The following TNRC6C variants were observed in gnomAD, a reference collection of about 807,000 sequenced individuals.
TNRC6C encodes the protein trinucleotide repeat containing adaptor 6C.
TNRC6C carries 20 observed loss-of-function variants against 153.7 expected under a neutral mutation model. The ratio of observed to expected loss-of-function variants is 0.13; its 90% CI spans 0.09 to 0.19. The LOEUF (loss-of-function observed/expected upper bound fraction) is 0.19. Among genes scored for constraint, TNRC6C ranks in the 10% least tolerant of loss-of-function variants. TNRC6C has a pLI of 1.00. For synonymous variants in TNRC6C, 811 were observed against 841.4 expected (o/e 0.96, Z 0.63); for missense variants, 1,987 against 2,172.0 (o/e 0.91, Z 1.69).
intron 10 of TNRC6C, among the ~76,000 whole-genome samples, chr17:78,082,507 G>T (rs2073199527): frequency 6.6e-6 from 1 of 152,146 alleles, no homozygotes; most frequent in Non-Finnish European, 1.5e-5. Context: ...GCAAAAGCTG[G>T]TTGCAAACAA....
exon 3 of TNRC6C, chr17:78,051,096 C>A: frequency 6.3e-7 from 1 of 1,595,688 alleles, no homozygotes; most frequent in South Asian, 1.1e-5. Context: ...ATGTGAGTAA[C>A]TGGGGAGGAG....
At chr17:78,081,461 A>G (rs2073178792) in intron 10 of TNRC6C, among the ~76,000 whole-genome samples, 2 of 152,220 alleles carry the variant, frequency 1.3e-5, no homozygotes, top group Admixed American at 6.5e-5. Flanking sequence ...ATTATCAGGC[A>G]ATAATAAAAG....
At chr17:78,007,211 C>CT (rs1409109485) in intron 1 of TNRC6C, among the ~76,000 whole-genome samples, 2 of 152,194 alleles carry the variant, frequency 1.3e-5, no homozygotes, top group African/African-American at 4.8e-5. Context: ...TCTATATCCT[C>CT]TAAAATACTG....
intron 2 of TNRC6C, among the ~76,000 whole-genome samples, chr17:78,037,615 A>G (rs2072205731): frequency 6.6e-6 from 1 of 152,200 alleles, no homozygotes; most frequent in Non-Finnish European, 1.5e-5. Context: ...GCAGACCCGC[A>G]GTTGTAAAGC....
intron 1 of TNRC6C, among the ~76,000 whole-genome samples, chr17:78,028,040 C>T (rs936022555): frequency 1.5e-4 from 23 of 151,812 alleles, no homozygotes; most frequent in South Asian, 4.2e-4. Context: ...GGACTGCAGG[C>T]GCCCGCCACC....
intron 3 of TNRC6C, among the ~76,000 whole-genome samples, chr17:78,053,986 T>C (rs928538401): frequency 6.6e-6 from 1 of 152,206 alleles, no homozygotes; most frequent in African/African-American, 2.4e-5. Context: ...GTTAACATTA[T>C]AAAGTATAGT....
At position 78,038,249 on chromosome 17, in the gene TNRC6C, A is replaced by G. The variant is rs2072219613; in HGVS notation, c.-219+6407A>G. Among the ~76,000 whole-genome samples the G allele has an allele frequency of 2.0e-5, 3 of 152,250 alleles. No homozygotes were observed. The South Asian group carries it at 6.2e-4, about 32-fold the overall frequency. ...GGACATGTTTACAGTGTAAATAGCAAAAGATAAATATCTCAAAAATACCAA... is the reference window on the plus strand; with the variant it reads ...GGACATGTTTACAGTGTAAATAGCAGAAGATAAATATCTCAAAAATACCAA... On this transcript the variant is annotated intron_variant, in intron 2 of 19. Coordinates refer to ENST00000301624, the Ensembl canonical transcript of TNRC6C.
intron 13 of TNRC6C, among the ~76,000 whole-genome samples, chr17:78,090,859 A>G (rs2073381001): frequency 6.6e-6 from 1 of 152,256 alleles, no homozygotes; most frequent in Non-Finnish European, 1.5e-5. Context: ...AACTCACTAA[A>G]GGTAGAACTG....
chr17:78,071,434 T>C lies in TNRC6C; in HGVS notation c.2859+269T>C, dbSNP rs539577068. The stretch of plus-strand genomic sequence containing the variant: ...TAGAATAGAAAATGCTTTTTTTTTT[T>C]GGAGACAGGGTCTTGCTCTGGCACC... On this transcript the variant is annotated intron_variant, in intron 6 of 19. Transcript: ENST00000301624. Among the ~76,000 whole-genome samples, 7 of 152,140 alleles carry C rather than the reference T, an allele frequency of 4.6e-5. No individual in the cohort carries two copies. In the South Asian group the frequency reaches 1.4e-3, roughly 32 times the overall value.
At chr17:77,985,465 G>A (rs556864047) in intron 1 of TNRC6C, among the ~76,000 whole-genome samples, 3 of 152,162 alleles carry the variant, frequency 2.0e-5, no homozygotes, top group African/African-American at 4.8e-5. Context: ...AGCCAGGTGT[G>A]GTGGCGGGCG....
At chr17:78,052,681 T>A (rs1189414539) in intron 3 of TNRC6C, among the ~76,000 whole-genome samples, 1 of 152,076 alleles carries the variant, frequency 6.6e-6, no homozygotes, top group South Asian at 2.1e-4. Context: ...CTGCATTAAT[T>A]CAATTATGAC....
At chr17:78,090,627 A>G (rs1479292727) in intron 13 of TNRC6C, among the ~76,000 whole-genome samples, 1 of 152,082 alleles carries the variant, frequency 6.6e-6, no homozygotes, top group African/African-American at 2.4e-5. Context: ...CCTTCTTTTC[A>G]TTGTCCTCCT....
chr17:78,058,215 C>T (rs1232062414), intron 3 of TNRC6C, among the ~76,000 whole-genome samples: 1 of 152,162 alleles, frequency 6.6e-6, no homozygotes, highest in Non-Finnish European at 1.5e-5. Context: ...TAAAATCAGT[C>T]TGCTGTTTTA....
At chr17:78,095,738 A>G (rs748559233) in intron 16 of TNRC6C, among the ~76,000 whole-genome samples, 10 of 152,182 alleles carry the variant, frequency 6.6e-5, no homozygotes, top group Non-Finnish European at 1.2e-4. Context: ...TCACGTAGAA[A>G]TTGCTAACCA....
chr17:78,051,610 C>T (rs906879515), intron 3 of TNRC6C, among the ~76,000 whole-genome samples, 162 bp downstream of exon 5: 2 of 151,594 alleles, frequency 1.3e-5, no homozygotes, highest in Non-Finnish European at 2.9e-5. Context: ...TAAAGATTAT[C>T]CAGTGAGAGC....
At chr17:78,001,148 T>C (rs1447369561), upstream of TNRC6C, among the ~76,000 whole-genome samples, 1 of 152,202 alleles carries the variant, frequency 6.6e-6, no homozygotes, top group Non-Finnish European at 1.5e-5. Flanking sequence ...TTGTGATTGC[T>C]AAATTATTTG....
At chr17:78,069,378 C>T (rs1431634266) in intron 5 of TNRC6C, among the ~76,000 whole-genome samples, 2 of 152,082 alleles carry the variant, frequency 1.3e-5, no homozygotes, top group Non-Finnish European at 2.9e-5. Context: ...CTCAGACCCA[C>T]AGAAAGCCAG....
chr17:78,049,734 C>A lies in TNRC6C; in HGVS notation c.672C>A (p.Gly224=). The A allele has an allele frequency of 6.3e-7, 1 of 1,593,028 alleles. No individual in the cohort carries two copies. The highest frequency in any genetic ancestry group is 8.6e-7 in the Non-Finnish European group (1 of 1,168,020). Residue 224 remains glycine, a synonymous_variant, in exon 3 of 20, where the codon GGC becomes GGA. Transcript: ENST00000301624. The surrounding 1 kb of genome is among the most constrained non-coding windows in gnomAD (Gnocchi z 4.1). Reference sequence around the variant, plus strand: ...CCATCATCCCGCCCCACCTGCAAGGCCTTCCTGGTGCTAATGGATCATCAG... The same window carrying A: ...CCATCATCCCGCCCCACCTGCAAGGACTTCCTGGTGCTAATGGATCATCAG...
At chr17:78,020,972 A>T (rs1157027223) in intron 1 of TNRC6C, among the ~76,000 whole-genome samples, 1 of 152,152 alleles carries the variant, frequency 6.6e-6, no homozygotes, top group Admixed American at 6.5e-5. Flanking sequence ...TCCCCAGTTC[A>T]TTGTTGATTC....
Sources: gnomAD v4.1 joint callset for allele counts (sites outside exome capture counted in the v4.1 genomes callset) on GRCh38, gnomAD v4.1.1 for gene constraint, Gnocchi (gnomAD v3.1) non-coding constraint, MANE v1.5 for transcripts, NCBI Gene and HGNC (gene_info 2026-07-23, HGNC 2026-07-21) for gene names.